PDZRN3: variants seen among roughly 807,000 people sequenced by gnomAD.
PDZRN3 encodes PDZ domain containing ring finger 3.
A neutral mutation model predicts 85.7 loss-of-function variants in PDZRN3; 38 were observed. That is an observed-to-expected ratio of 0.44 (90% confidence interval 0.34 to 0.58). PDZRN3 has a LOEUF of 0.58. PDZRN3 is among the 20% of genes least tolerant of loss of function. The probability of loss-of-function intolerance (pLI) is 0.01; values close to 1 mark genes in which losing one functional copy is unlikely to be tolerated. For missense variants in PDZRN3, 1,629 were observed against 1,506.4 expected (o/e 1.08, Z -1.35); for synonymous variants, 759 against 638.0 (o/e 1.19, Z -2.86).
At chr3:73,422,076 G>A (rs1457307363) in intron 3 of PDZRN3, among the ~76,000 whole-genome samples, 1 of 152,236 alleles carries the variant, frequency 6.6e-6, no homozygotes, top group Non-Finnish European at 1.5e-5. Context: ...TCTCAGCAGT[G>A]TAGTATTTAA....
intron 5 of PDZRN3, among the ~76,000 whole-genome samples, chr3:73,396,789 A>G (rs188766381): frequency 5.2e-4 from 79 of 152,346 alleles, no homozygotes; most frequent in Admixed American, 2.5e-3. Context: ...AGACAAAAGG[A>G]AAAGCCTTCT....
In PDZRN3 at chr3:73,624,243, C is replaced by A; in HGVS notation, c.583G>T (p.Glu195Ter). ...KKEALRAGKR[E>*]KSLVAQLAAA... The stretch of plus-strand genomic sequence containing the variant: ...GCCAGCTGGGCCACCAGCGACTTCT[C>A]GCGCTTCCCAGCGCGCAGCGCCTCC... Residue 195 changes from glutamate to a stop codon, truncating the protein, a stop_gained, in exon 1 of 10, where the codon GAG becomes TAG. Transcript: ENST00000263666. LOFTEE classifies it high-confidence loss of function. The A allele has an allele frequency of 2.0e-6, 3 of 1,467,748 alleles. No individual in the cohort carries two copies. Among genetic ancestry groups the A allele is most frequent in the Non-Finnish European group, 2.7e-6 (3 of 1,115,666 alleles). 90.9% of individuals were successfully genotyped at this position (1,467,748 alleles called of 1,614,324 possible).
chr3:73,558,004 A>G (rs2106821416), intron 3 of PDZRN3, among the ~76,000 whole-genome samples: 1 of 152,218 alleles, frequency 6.6e-6, no homozygotes, highest in Admixed American at 6.5e-5. Flanking sequence ...TTTGTCACAT[A>G]TTTTCCTGTA....
At chr3:73,390,654 T>A (rs73094658) in intron 6 of PDZRN3, among the ~76,000 whole-genome samples, 65 of 140,048 alleles carry the variant, frequency 4.6e-4, no homozygotes, top group Middle Eastern at 3.6e-3. Flanking sequence ...TGTGTGTGTG[T>A]GAGAGAGAGA....
intron 3 of PDZRN3, among the ~76,000 whole-genome samples, chr3:73,453,635 G>T (rs1358207491): frequency 6.6e-6 from 1 of 151,626 alleles, no homozygotes; most frequent in Admixed American, 6.6e-5. Flanking sequence ...ATATAATCAA[G>T]AATGATTTTG....
In PDZRN3 at chr3:73,451,182, G is replaced by A. The variant is rs533027399; in HGVS notation, c.919-46787C>T. ...AATACTTCTTCCGGGTGGGGAGCAG[G>A]CCCCTGGGACACCGAAACTGGCTCA... On this transcript the variant is annotated intron_variant, in intron 3 of 9. Transcript: ENST00000263666. 1.1e-4 allele frequency among the ~76,000 whole-genome samples: 16 copies of A among 152,208 alleles called. No individual in the cohort carries two copies. In the South Asian group the frequency reaches 3.3e-3, roughly 32 times the overall value.
Position 73,615,277 on chromosome 3 carries a change from C to T in PDZRN3, c.724-6593G>A, listed in dbSNP as rs975515270. On this transcript the variant is annotated intron_variant, in intron 1 of 9. Coordinates refer to ENST00000263666, the MANE Select transcript of PDZRN3 (RefSeq NM_015009.3). Reference sequence around the variant, plus strand: ...ATAAATGTCTAATTTCTTATTTCCACGAGCTTGATTTCAAATTTTCTCTCT... The same window carrying T: ...ATAAATGTCTAATTTCTTATTTCCATGAGCTTGATTTCAAATTTTCTCTCT... Among the ~76,000 whole-genome samples the T allele has an allele frequency of 2.9e-4, 44 of 152,180 alleles. 1 individual carries two copies. Among genetic ancestry groups the T allele is most frequent in the Middle Eastern group, 3.2e-3 (1 of 316 alleles).
intron 3 of PDZRN3, among the ~76,000 whole-genome samples, chr3:73,449,132 A>T (rs944783330): frequency 6.6e-6 from 1 of 152,214 alleles, no homozygotes; most frequent in Non-Finnish European, 1.5e-5. Flanking sequence ...AACAAGTGAA[A>T]CTACAAGTAA....
intron 3 of PDZRN3, among the ~76,000 whole-genome samples, chr3:73,456,391 C>G (rs1469635312): frequency 1.3e-5 from 2 of 152,164 alleles, no homozygotes; most frequent in Non-Finnish European, 2.9e-5. Flanking sequence ...GTGAGCCAAT[C>G]TTATTCTTCT....
rs190658463 is a variant in PDZRN3 at position 73,516,704 on chromosome 3, A to G, written c.918+85650T>C. Among the ~76,000 whole-genome samples the G allele has an allele frequency of 5.6e-4, 86 of 152,342 alleles. 1 individual carries two copies. Among genetic ancestry groups the G allele is most frequent in the African/African-American group, 2.0e-3 (84 of 41,590 alleles). On this transcript the variant is annotated intron_variant, in intron 3 of 9. Coordinates refer to ENST00000263666, the MANE Select transcript of PDZRN3 (RefSeq NM_015009.3). ...TTTAGATTCAGACCTATAAATAGGCATCCATGAAAAATGTAAAAACAACCC... is the reference window on the plus strand; with the variant it reads ...TTTAGATTCAGACCTATAAATAGGCGTCCATGAAAAATGTAAAAACAACCC...
intron 3 of PDZRN3, among the ~76,000 whole-genome samples, chr3:73,446,405 A>G (rs1356498399): frequency 1.3e-5 from 2 of 152,190 alleles, no homozygotes; most frequent in Non-Finnish European, 2.9e-5. Context: ...CATCATTTGG[A>G]TTTCATGGAC....
At chr3:73,463,439 C>T (rs557807590) in intron 3 of PDZRN3, among the ~76,000 whole-genome samples, 26 of 152,286 alleles carry the variant, frequency 1.7e-4, no homozygotes, top group Non-Finnish European at 3.1e-4. Flanking sequence ...TTGAAAACTC[C>T]ATATGTATAC....
At position 73,535,822 on chromosome 3, in the gene PDZRN3, C is replaced by T. The variant is rs143368668; in HGVS notation, c.918+66532G>A. ...ATTGTAGAATACCATTTATTACGCACCCACATGCATGGCATATTGCAAAAA... is the reference window on the plus strand; with the variant it reads ...ATTGTAGAATACCATTTATTACGCATCCACATGCATGGCATATTGCAAAAA... On this transcript the variant is annotated intron_variant, in intron 3 of 9. Coordinates refer to ENST00000263666, the MANE Select transcript of PDZRN3 (RefSeq NM_015009.3). Among the ~76,000 whole-genome samples the T allele has an allele frequency of 4.4e-3, 665 of 152,288 alleles. 8 individuals are homozygous for T. The highest frequency in any genetic ancestry group is 0.015 in the African/African-American group (631 of 41,556).
intron 9 of PDZRN3, 127 bp from the exon 10 acceptor site, chr3:73,385,057 T>A: frequency 9.2e-7 from 1 of 1,088,602 alleles, no homozygotes. Flanking sequence ...GGACAGCATC[T>A]GACAGTAGGA....
intron 6 of PDZRN3, among the ~76,000 whole-genome samples, chr3:73,390,654 T>TGTGTGAGAGAGA (rs36036904): frequency 1.9e-4 from 26 of 140,052 alleles, no homozygotes; most frequent in African/African-American, 6.2e-4. Flanking sequence ...TGTGTGTGTG[T>TGTGTGAGAGAGA]GAGAGAGAGA....
intron 3 of PDZRN3, among the ~76,000 whole-genome samples, chr3:73,479,861 A>C (rs2106902974): frequency 6.6e-6 from 1 of 152,280 alleles, no homozygotes; most frequent in African/African-American, 2.4e-5. Context: ...TTGTAAAACT[A>C]AACATGTATG....
At chr3:73,464,547 C>T (rs945838146) in intron 3 of PDZRN3, among the ~76,000 whole-genome samples, 3 of 152,138 alleles carry the variant, frequency 2.0e-5, no homozygotes, top group Non-Finnish European at 2.9e-5. Context: ...TAAATGATAA[C>T]TATTCTGTCT....
At chr3:73,425,668 TA>T (rs2106787460) in intron 3 of PDZRN3, among the ~76,000 whole-genome samples, 1 of 151,990 alleles carries the variant, frequency 6.6e-6, no homozygotes, top group South Asian at 2.1e-4. Flanking sequence ...GTAAGGCGGA[TA>T]CTTATACACT....
At chr3:73,529,511 G>A (rs995355180) in intron 3 of PDZRN3, among the ~76,000 whole-genome samples, 1 of 152,192 alleles carries the variant, frequency 6.6e-6, no homozygotes, top group Non-Finnish European at 1.5e-5. Flanking sequence ...GACTCCTTCT[G>A]CCTCACTGCA....
Sources: allele counts gnomAD v4.1 joint callset (sites outside exome capture counted in the v4.1 genomes callset), GRCh38; gene constraint gnomAD v4.1.1; transcripts MANE v1.5; gene names NCBI Gene and HGNC (gene_info 2026-07-23, HGNC 2026-07-21).